Variants in MDGA1 observed in about 807,000 individuals in gnomAD.
The protein encoded by MDGA1 is MAM domain containing glycosylphosphatidylinositol anchor 1.
MDGA1 carries 54 observed loss-of-function variants against 101.5 expected under a neutral mutation model. The ratio of observed to expected loss-of-function variants is 0.53; its 90% CI spans 0.43 to 0.67. MDGA1 has a LOEUF of 0.67. Ranked by LOEUF, MDGA1 falls within the 30% of genes least tolerant of loss-of-function variation. The pLI is 0.00. For synonymous variants in MDGA1, 533 were observed against 558.3 expected (o/e 0.95, Z 0.64); for missense variants, 1,083 against 1,323.8 (o/e 0.82, Z 2.82).
chr6:37,645,820 G>A, intron 12 of MDGA1, 113 bp downstream of exon 12: 1 of 1,260,018 alleles, frequency 7.9e-7, no homozygotes, highest in Non-Finnish European at 1.1e-6. Flanking sequence ...AACACAGGGG[G>A]AATTCATTTT....
rs1011094818 is a variant in MDGA1, at chr6:37,654,496, G to C, written c.760C>G (p.Pro254Ala). The C allele has an allele frequency of 6.2e-7, 1 of 1,613,996 alleles. No individual in the cohort carries two copies. Among genetic ancestry groups the C allele is most frequent in the Non-Finnish European group, 8.5e-7 (1 of 1,179,896 alleles). The change falls in exon 6 of 17, where the codon CCT becomes GCT. Residue 254 changes from proline (P) to alanine (A), a missense_variant. Around this residue, in one of 3 missense-constraint regions of MDGA1, gnomAD observed 310 missense variants for 355.9 expected, o/e 0.87. Transcript: ENST00000434837. ...CACTGCACCGTCACATTCTCCCCAG[G>C]GTTCACCACCAGAGTTTCGTTCACA... ...LSVNETLVVN[P>A]GENVTVQCLL...
chr6:37,657,451 C>G (rs1761517738), intron 3 of MDGA1, among the ~76,000 whole-genome samples: 1 of 152,216 alleles, frequency 6.6e-6, no homozygotes, highest in African/African-American at 2.4e-5. Flanking sequence ...TGCCTGCCAG[C>G]CTCTTCCAGG....
chr6:37,632,912 G>C lies in MDGA1; in HGVS notation c.*4456C>G, dbSNP rs184481374. The C allele has an allele frequency of 3.1e-3, 480 of 152,840 alleles. 2 individuals carry two copies. Among genetic ancestry groups the C allele is most frequent in the Non-Finnish European group, 5.8e-3 (393 of 68,104 alleles). 9.5% of individuals were successfully genotyped at this position (152,840 alleles called of 1,614,324 possible). ...CTCTAGGGCAGGAAGAATGCATGGA[G>C]ACCTAGAGGGCCACCAGAGTTGGGC... On this transcript the variant is annotated 3_prime_UTR_variant, in exon 17 of 17. Coordinates refer to ENST00000434837, the MANE Select transcript of MDGA1 (RefSeq NM_153487.4).
chr6:37,650,819 C>T (rs1489626706), intron 7 of MDGA1, among the ~76,000 whole-genome samples: 1 of 152,218 alleles, frequency 6.6e-6, no homozygotes, highest in Admixed American at 6.5e-5. Context: ...TACATCCTTG[C>T]CCTTTCGTCC....
chr6:37,683,294 G>T (rs1762133469), intron 1 of MDGA1, among the ~76,000 whole-genome samples: 1 of 152,210 alleles, frequency 6.6e-6, no homozygotes, highest in South Asian at 2.1e-4. Flanking sequence ...GAGCAGGTCT[G>T]GTGGCTGCAG....
chr6:37,631,260 C>A lies in MDGA1; in HGVS notation c.*6108G>T, dbSNP rs1307013279. On this transcript the variant is annotated 3_prime_UTR_variant, in exon 17 of 17. Transcript: ENST00000434837. ...GATTTCTGAGTGCCCATCCCCCTCA[C>A]TGTGTTTGTCCTCACAATAATGCAC... 1 of 152,228 alleles carries A rather than the reference C, an allele frequency of 6.6e-6. No individual in the cohort carries two copies. Among genetic ancestry groups the A allele is most frequent in the African/African-American group, 2.4e-5 (1 of 41,452 alleles). 9.4% of individuals were successfully genotyped at this position (152,228 alleles called of 1,614,324 possible).
intron 1 of MDGA1, among the ~76,000 whole-genome samples, chr6:37,669,874 G>A (rs974863628): frequency 2.6e-5 from 4 of 152,224 alleles, no homozygotes; most frequent in Non-Finnish European, 4.4e-5. Context: ...AGCATTGCTG[G>A]GGAGATGGAT....
chr6:37,671,045 C>G (rs1050281869), intron 1 of MDGA1, among the ~76,000 whole-genome samples: 4 of 152,152 alleles, frequency 2.6e-5, no homozygotes, highest in Admixed American at 6.5e-5. Flanking sequence ...AGTGTGCTTC[C>G]TTGCCTCTGG....
At position 37,635,862 on chromosome 6, in the gene MDGA1, G is replaced by A. The variant is rs117464641; in HGVS notation, c.*1506C>T. 34 of 398,110 alleles carry A rather than the reference G, an allele frequency of 8.5e-5. No individual in the cohort carries two copies. In the East Asian group the frequency reaches 9.3e-4, roughly 11 times the overall value. 24.7% of individuals were successfully genotyped at this position (398,110 alleles called of 1,614,324 possible). A position where few individuals can be genotyped will look rare whatever the true frequency, so the allele number is the denominator to read the frequency against. The stretch of plus-strand genomic sequence containing the variant: ...TCTATTCAGCCAGCACCCTACAAGC[G>A]AACACATCACTCAGGAAGGTGGACA... On this transcript the variant is annotated 3_prime_UTR_variant, in exon 17 of 17. Transcript: ENST00000434837.
At position 37,685,541 on chromosome 6, in the gene MDGA1, G is replaced by A. The variant is rs114207875; in HGVS notation, c.67+11204C>T. 4.1e-3 allele frequency among the ~76,000 whole-genome samples: 627 copies of A among 152,254 alleles called. 2 individuals carry two copies. Among genetic ancestry groups the A allele is most frequent in the South Asian group, 0.011 (54 of 4,820 alleles). On this transcript the variant is annotated intron_variant, in intron 1 of 16. Transcript: ENST00000434837. ...CAGAAAGATGAGTTAGATCACCTCC[G>A]GACCAGAGCCTCTCACACAGCCCAT... is the stretch of plus-strand genomic sequence containing the variant.
chr6:37,649,280 C>A lies in MDGA1; in HGVS notation c.1610-14G>T. On this transcript the variant is annotated splice_polypyrimidine_tract_variant and intron_variant, in intron 8 of 16. Transcript: ENST00000434837. ...CCTCCGGCGGGACTGGGGGCGGGAG[C>A]GGCGGTCAGCGGGGCCTCTCCCCAG... 1.4e-6 allele frequency: 2 copies of A among 1,467,114 alleles called. No individual in the cohort carries two copies. The highest frequency in any genetic ancestry group is 1.4e-5 in the South Asian group (1 of 73,480). The allele number at this position is 1,467,114 out of a possible 1,614,324, so 90.9% of individuals were successfully genotyped here.
chr6:37,654,822 G>A lies in MDGA1; in HGVS notation c.690C>T (p.Thr230=), dbSNP rs1459460342. Reference sequence around the variant, plus strand: ...TACCCGTGGTGTTGGTGAGCCGGAAGGTGATGGCCTTGTCTGGGATGCCGC... The same window carrying A: ...TACCCGTGGTGTTGGTGAGCCGGAAAGTGATGGCCTTGTCTGGGATGCCGC... The part of the protein sequence containing the change: ...NVCGIPDKAI[T]FRLTNTTAPP... Residue 230 remains threonine, a synonymous_variant, in exon 5 of 17, where the codon ACC becomes ACT. Transcript: ENST00000434837. The A allele has an allele frequency of 5.0e-6, 8 of 1,613,854 alleles. No individual in the cohort carries two copies. The highest frequency in any genetic ancestry group is 5.1e-6 in the Non-Finnish European group (6 of 1,179,846).
Position 37,635,918 on chromosome 6 carries a change from A to G in MDGA1, c.*1450T>C. ...GCTGACGTACACGGACATTCATAGA[A>G]ACGAATGGGTCTCAATCCAGTCTCA... On this transcript the variant is annotated 3_prime_UTR_variant, in exon 17 of 17. Coordinates refer to ENST00000434837, the MANE Select transcript of MDGA1 (RefSeq NM_153487.4). The G allele has an allele frequency of 2.5e-6, 1 of 397,006 alleles. No homozygotes were observed. Among genetic ancestry groups the G allele is most frequent in the Non-Finnish European group, 4.4e-6 (1 of 225,282 alleles). The allele number at this position is 397,006 out of a possible 1,614,324, so 24.6% of individuals were successfully genotyped here.
At chr6:37,667,632 A>G (rs951131327) in intron 1 of MDGA1, among the ~76,000 whole-genome samples, 6 of 152,226 alleles carry the variant, frequency 3.9e-5, no homozygotes, top group African/African-American at 7.2e-5. Context: ...GATGATGTGC[A>G]TGCTGGTTGC....
Position 37,654,379 on chromosome 6 carries a change from G to C in MDGA1, c.877C>G (p.Leu293Val), listed in dbSNP as rs1353788668. The C allele has an allele frequency of 1.9e-6, 3 of 1,613,486 alleles. No homozygotes were observed. The African/African-American group carries it at 4.0e-5, about 22-fold the overall frequency. ...CGGGCCTGCACTGAAGGGATGCTGAGGGTGCCACCCTGGGCCAGAGCACCC... is the reference window on the plus strand; with the variant it reads ...CGGGCCTGCACTGAAGGGATGCTGACGGTGCCACCCTGGGCCAGAGCACCC... The part of the protein sequence containing the change: ...PLGALAQGGT[L>V]SIPSVQARDS... The change falls in exon 6 of 17, where the codon CTC (leucine) becomes GTC (valine). Residue 293 changes from leucine (L) to valine (V), a missense_variant. This residue lies in a region of MDGA1 where 116 missense variants were observed against 196.6 expected (regional missense o/e 0.59). Coordinates refer to ENST00000434837, the MANE Select transcript of MDGA1 (RefSeq NM_153487.4).
intron 3 of MDGA1, among the ~76,000 whole-genome samples, chr6:37,658,030 T>C (rs920407816): frequency 6.6e-6 from 1 of 152,184 alleles, no homozygotes; most frequent in African/African-American, 2.4e-5. Context: ...CCTGCTCACC[T>C]CAAGGGAAGT....
intron 1 of MDGA1, among the ~76,000 whole-genome samples, chr6:37,681,015 C>A (rs1365389191): frequency 6.6e-6 from 1 of 151,114 alleles, no homozygotes; most frequent in Non-Finnish European, 1.5e-5. Context: ...CCCCAGGAAA[C>A]CTGGGCAGGA....
intron 1 of MDGA1, among the ~76,000 whole-genome samples, chr6:37,665,312 G>A (rs994672468): frequency 2.4e-4 from 37 of 152,258 alleles, no homozygotes; most frequent in African/African-American, 8.2e-4. Flanking sequence ...TACTGGGCAC[G>A]AGGAACACAA....
At chr6:37,689,032 T>C (rs112454195) in intron 1 of MDGA1, among the ~76,000 whole-genome samples, 6 of 152,292 alleles carry the variant, frequency 3.9e-5, no homozygotes, top group Middle Eastern at 3.4e-3. Context: ...CAGGGGAGAC[T>C]TGTGCACGGG....
Sources: allele counts gnomAD v4.1 joint callset (sites outside exome capture counted in the v4.1 genomes callset), GRCh38; gene constraint gnomAD v4.1.1; regional missense constraint gnomAD v4.1.1; transcripts MANE v1.5; gene names NCBI Gene and HGNC (gene_info 2026-07-23, HGNC 2026-07-21).